SUGCT: variants seen among roughly 807,000 people sequenced by gnomAD.
SUGCT encodes the protein succinyl-CoA:glutarate-CoA transferase.
Under a neutral mutation model 55.0 loss-of-function variants are expected in SUGCT, and 41 were observed. The observed-to-expected ratio is 0.74, with a 90% CI of 0.58 to 0.97. The LOEUF is 0.97. SUGCT is among the 50% of genes least tolerant of loss of function. The pLI is 0.00. For synonymous variants in SUGCT, 187 were observed against 200.4 expected (o/e 0.93, Z 0.56); for missense variants, 568 against 547.8 (o/e 1.04, Z -0.37).
chr7:41,034,975 T>G, the SUGCT span, among the ~76,000 whole-genome samples: 1 of 152,142 alleles, frequency 6.6e-6, no homozygotes, highest in African/African-American at 2.4e-5. Flanking sequence ...GACTCCCTAT[T>G]TCTCTGCCCC....
chr7:40,143,999 T>TA (rs1340637815), intron 1 of SUGCT, among the ~76,000 whole-genome samples: 1 of 152,158 alleles, frequency 6.6e-6, no homozygotes, highest in African/African-American at 2.4e-5. Flanking sequence ...TTTAGGAAAT[T>TA]ACAAAAACTG....
the SUGCT span, among the ~76,000 whole-genome samples, chr7:40,973,287 T>C: frequency 6.6e-6 from 1 of 152,170 alleles, no homozygotes; most frequent in Non-Finnish European, 1.5e-5. Context: ...TTTCAAGGCA[T>C]TCTGAAAAAA....
chr7:40,540,294 A>G (rs1351210034), intron 12 of SUGCT, among the ~76,000 whole-genome samples: 2 of 152,232 alleles, frequency 1.3e-5, no homozygotes, highest in South Asian at 2.1e-4. Flanking sequence ...CATTTCATTT[A>G]TTTATTACAA....
chr7:40,672,015 C>T (rs1406690606), intron 12 of SUGCT, among the ~76,000 whole-genome samples: 1 of 152,042 alleles, frequency 6.6e-6, no homozygotes, highest in East Asian at 1.9e-4. Flanking sequence ...AGAGAGAACC[C>T]AGAAATAGAT....
At chr7:40,510,755 T>G (rs1401466206) in intron 12 of SUGCT, among the ~76,000 whole-genome samples, 2 of 152,096 alleles carry the variant, frequency 1.3e-5, no homozygotes, top group East Asian at 1.9e-4. Context: ...CGTACAAAAA[T>G]AAGTAAATGG....
the SUGCT span, among the ~76,000 whole-genome samples, chr7:40,878,320 T>G: frequency 6.6e-6 from 1 of 152,236 alleles, no homozygotes; most frequent in Admixed American, 6.5e-5. Flanking sequence ...TTTTCCTGTG[T>G]TTATCTCTAT....
At chr7:40,552,142 A>G (rs1218996508) in intron 12 of SUGCT, among the ~76,000 whole-genome samples, 2 of 152,182 alleles carry the variant, frequency 1.3e-5, no homozygotes, top group Non-Finnish European at 2.9e-5. Context: ...ATCTGTTTCC[A>G]TGTGAGTACA....
At chr7:40,466,467 G>A (rs1790115875) in intron 11 of SUGCT, among the ~76,000 whole-genome samples, 1 of 152,154 alleles carries the variant, frequency 6.6e-6, no homozygotes, top group Admixed American at 6.5e-5. Context: ...GTTCCAAGGG[G>A]CCCCTCCTGT....
intron 12 of SUGCT, among the ~76,000 whole-genome samples, chr7:40,716,885 A>C (rs1786051706): frequency 6.6e-6 from 1 of 152,144 alleles, no homozygotes; most frequent in Non-Finnish European, 1.5e-5. Context: ...CCACTAGTCT[A>C]ACTGTGATAT....
intron 12 of SUGCT, among the ~76,000 whole-genome samples, chr7:40,727,969 A>G (rs1786695276): frequency 6.6e-6 from 1 of 152,128 alleles, no homozygotes. Flanking sequence ...TTATTATTCT[A>G]GTTTTAGACA....
intron 13 of SUGCT, among the ~76,000 whole-genome samples, chr7:40,765,489 G>C (rs1211805874): frequency 1.3e-5 from 2 of 150,540 alleles, no homozygotes; most frequent in Non-Finnish European, 3.0e-5. Flanking sequence ...CCTAAAAACT[G>C]TGTTTTTCTC....
chr7:40,505,411 C>G (rs923257853), intron 12 of SUGCT, among the ~76,000 whole-genome samples: 2 of 151,922 alleles, frequency 1.3e-5, no homozygotes, highest in African/African-American at 4.8e-5. Context: ...TTCTATGTGT[C>G]TTATGTCTTT....
At chr7:40,229,096 A>C (rs1788560833) in intron 6 of SUGCT, among the ~76,000 whole-genome samples, 1 of 152,200 alleles carries the variant, frequency 6.6e-6, no homozygotes, top group Non-Finnish European at 1.5e-5. Flanking sequence ...CATTTCTTCA[A>C]GGACTGTTAG....
At chr7:40,826,100 C>G (rs1411572848) in intron 13 of SUGCT, among the ~76,000 whole-genome samples, 1 of 152,152 alleles carries the variant, frequency 6.6e-6, no homozygotes, top group African/African-American at 2.4e-5. Flanking sequence ...TATTGCACGG[C>G]TAGTTGTCTC....
chr7:40,743,190 C>T (rs1196238717), intron 12 of SUGCT, among the ~76,000 whole-genome samples: 1 of 152,114 alleles, frequency 6.6e-6, no homozygotes, highest in Non-Finnish European at 1.5e-5. Context: ...CTTTAGAAAA[C>T]TGAAGAAATT....
intron 12 of SUGCT, among the ~76,000 whole-genome samples, chr7:40,658,119 T>C (rs1321247625): frequency 6.6e-6 from 1 of 152,248 alleles, no homozygotes; most frequent in East Asian, 1.9e-4. Flanking sequence ...TATTCCTTTA[T>C]TGTATCAAGT....
At chr7:40,611,380 T>C (rs1300162646) in intron 12 of SUGCT, among the ~76,000 whole-genome samples, 1 of 152,144 alleles carries the variant, frequency 6.6e-6, no homozygotes, top group Non-Finnish European at 1.5e-5. Context: ...AATAATACCC[T>C]AGGAAGTTTT....
intron 12 of SUGCT, among the ~76,000 whole-genome samples, chr7:40,519,765 A>C (rs1793429078): frequency 1.3e-5 from 2 of 152,118 alleles, no homozygotes; most frequent in African/African-American, 2.4e-5. Flanking sequence ...TAAGTTAATA[A>C]TTAATAAAAA....
chr7:40,884,599 C>T, the SUGCT span, among the ~76,000 whole-genome samples: 3 of 152,152 alleles, frequency 2.0e-5, no homozygotes, highest in South Asian at 2.1e-4. Context: ...AATTTTTTCC[C>T]GCATTTTTCA....
Sources: allele counts gnomAD v4.1 joint callset (sites outside exome capture counted in the v4.1 genomes callset), GRCh38; gene constraint gnomAD v4.1.1; transcripts MANE v1.5; gene names NCBI Gene and HGNC (gene_info 2026-07-23, HGNC 2026-07-21).